Variants in TEX15 observed in about 807,000 individuals in gnomAD.
TEX15 encodes testis expressed 15, meiosis and synapsis associated, also known as testis-expressed protein 15.
A neutral mutation model predicts 237.3 loss-of-function variants in TEX15; 171 were observed. The observed-to-expected ratio is 0.72, with a 90% CI of 0.64 to 0.82. The LOEUF is 0.82. TEX15 is among the 40% of genes least tolerant of loss of function. The pLI is 0.00. For synonymous variants in TEX15, 1,338 were observed against 1,269.8 expected (o/e 1.05, Z -1.14); for missense variants, 3,750 against 3,646.5 (o/e 1.03, Z -0.73).
At chr8:30,860,563 CTTTT>C (rs35815726) in intron 5 of TEX15, among the ~76,000 whole-genome samples, 3 of 127,042 alleles carry the variant, frequency 2.4e-5, no homozygotes, top group African/African-American at 2.9e-5. Context: ...AGAGAATCTA[CTTTT>C]TTTTTTTTTT....
At position 30,837,223 on chromosome 8, in the gene TEX15, G is replaced by A; in HGVS notation, c.9061C>T (p.Gln3021Ter). 6.2e-7 allele frequency: 1 copy of A among 1,614,140 alleles called. No individual in the cohort carries two copies. The highest frequency in any genetic ancestry group is 8.5e-7 in the Non-Finnish European group (1 of 1,179,998). Reference protein sequence around the residue: ...NAATYWNELPQSACNPTYNSS... With the variant: ...NAATYWNELP ...TTATATGTTGGGTTACATGCAGACT[G>A]TGGAAGTTCATTCCAATATGTGGCA... is the stretch of plus-strand genomic sequence containing the variant. The change falls in exon 10 of 11, where the codon CAG (glutamine) becomes TAG (stop). Residue 3021 changes from glutamine (Q) to a stop codon, truncating the protein, a stop_gained. Coordinates refer to ENST00000643185, the MANE Select transcript of TEX15 (RefSeq NM_001350162.2). LOFTEE classifies it high-confidence loss of function.
chr8:30,891,297 C>T (rs1307750398), intron 2 of TEX15, among the ~76,000 whole-genome samples: 1 of 152,128 alleles, frequency 6.6e-6, no homozygotes, highest in Non-Finnish European at 1.5e-5. Context: ...GCTAGGATTA[C>T]AGGCACATGC....
Position 30,846,471 on chromosome 8 carries a change from C to G in TEX15, c.3696G>C (p.Val1232=). ...AAGAAAGGGAGATTTCAGAGTTACT[C>G]ACTGGCCCTGATTCTTGCCTTATAT... ...VDNIRQESGP[V]SNSEISLSFD... Residue 1232 remains valine (V), a synonymous_variant, in exon 8 of 11, where the codon GTG becomes GTC. Transcript: ENST00000643185. The G allele has an allele frequency of 1.2e-6, 2 of 1,613,230 alleles. No homozygotes were observed. Among genetic ancestry groups the G allele is most frequent in the East Asian group, 2.2e-5 (1 of 44,862 alleles).
At position 30,842,204 on chromosome 8, in the gene TEX15, C is replaced by T. The variant is rs775254754; in HGVS notation, c.7963G>A (p.Glu2655Lys). ...TTTACAATATGAATATTCATTTTTT[C>T]TTTTCTCTTCAGCTGTAAAATCTTC... ...RRKILQLKRKEKMNIHIVKPG... is the reference protein window; with the variant it reads ...RRKILQLKRKKKMNIHIVKPG... The change falls in exon 8 of 11, where the codon GAA becomes AAA. Residue 2655 changes from glutamate to lysine, a missense_variant. Glu to Lys is a moderately conservative substitution (Grantham distance 56). Coordinates refer to ENST00000643185, the MANE Select transcript of TEX15 (RefSeq NM_001350162.2). The T allele has an allele frequency of 3.9e-5, 62 of 1,609,746 alleles. 1 individual carries two copies. The Middle Eastern group carries it at 5.0e-4, about 13-fold the overall frequency.
At chr8:30,906,121 A>G (rs1193976011) in intron 1 of TEX15, among the ~76,000 whole-genome samples, 1 of 152,244 alleles carries the variant, frequency 6.6e-6, no homozygotes, top group African/African-American at 2.4e-5. Context: ...TTTATGGTAA[A>G]GCGCTATATA....
At chr8:30,906,312 G>A (rs1809102332) in intron 1 of TEX15, among the ~76,000 whole-genome samples, 1 of 152,042 alleles carries the variant, frequency 6.6e-6, no homozygotes, top group African/African-American at 2.4e-5. Context: ...GCAGCTGGGC[G>A]CAGTGGCTCA....
intron 2 of TEX15, among the ~76,000 whole-genome samples, chr8:30,896,432 A>G (rs1808907713): frequency 6.6e-6 from 1 of 152,134 alleles, no homozygotes; most frequent in Non-Finnish European, 1.5e-5. Context: ...AAGATGAACC[A>G]TCTATTCAGT....
intron 10 of TEX15, among the ~76,000 whole-genome samples, chr8:30,834,126 A>C (rs1027561267): frequency 1.3e-5 from 2 of 152,160 alleles, no homozygotes; most frequent in Non-Finnish European, 2.9e-5. Flanking sequence ...CAAATTAATA[A>C]AAAAGGAAAA....
At chr8:30,873,910 T>A (rs1462218101) in intron 4 of TEX15, among the ~76,000 whole-genome samples, 1 of 152,152 alleles carries the variant, frequency 6.6e-6, no homozygotes, top group Non-Finnish European at 1.5e-5. Flanking sequence ...AACAGCCCTA[T>A]CACTGGGTAC....
chr8:30,841,932 A>G, intron 8 of TEX15, 72 bp downstream of exon 8: 1 of 1,073,962 alleles, frequency 9.3e-7, no homozygotes, highest in Admixed American at 2.6e-5. Flanking sequence ...TCTGCAAACT[A>G]CTTGTTTGCT....
intron 2 of TEX15, 46 bp from the exon 3 acceptor site, chr8:30,887,357 TA>T: frequency 6.9e-7 from 1 of 1,457,706 alleles, no homozygotes; most frequent in African/African-American, 1.4e-5. Context: ...AATAAATACA[TA>T]AAAGGCAATG....
intron 2 of TEX15, chr8:30,887,875 TCA>T (rs1808690270): frequency 7.2e-6 from 1 of 138,260 alleles, no homozygotes; most frequent in Non-Finnish European, 1.6e-5. Flanking sequence ...CATATATATT[TCA>T]CATATATATT....
intron 6 of TEX15, 32 bp from the exon 7 acceptor site, chr8:30,858,862 A>AT (rs1490828647): frequency 1.4e-5 from 20 of 1,458,158 alleles, no homozygotes; most frequent in Admixed American, 5.4e-5. Context: ...ATGCTGATTA[A>AT]TTTTGGCAAT....
At position 30,833,230 on chromosome 8, in the gene TEX15, T is replaced by C. The variant is rs1807219380; in HGVS notation, c.*56A>G. 1 of 1,219,772 alleles carries C rather than the reference T, an allele frequency of 8.2e-7. No individual in the cohort carries two copies. Among genetic ancestry groups the C allele is most frequent in the Non-Finnish European group, 1.2e-6 (1 of 866,666 alleles). 75.6% of individuals were successfully genotyped at this position (1,219,772 alleles called of 1,614,324 possible). On this transcript the variant is annotated 3_prime_UTR_variant, in exon 11 of 11. Coordinates refer to ENST00000643185, the MANE Select transcript of TEX15 (RefSeq NM_001350162.2). ...CGCTAAATGTTAAAAAATATATAAG[T>C]AAAAAATATTTGGAAAAACTTGTTA...
chr8:30,912,237 G>A (rs1809236813), intron 1 of TEX15, among the ~76,000 whole-genome samples: 1 of 152,168 alleles, frequency 6.6e-6, no homozygotes, highest in Admixed American at 6.5e-5. Flanking sequence ...AATGAGGCGC[G>A]CGGACTGCCA....
At chr8:30,872,700 C>T (rs780931285) in intron 4 of TEX15, among the ~76,000 whole-genome samples, 5 of 151,574 alleles carry the variant, frequency 3.3e-5, no homozygotes, top group East Asian at 1.9e-4. Flanking sequence ...TAGCTTTAGG[C>T]TTATGTGTGT....
chr8:30,875,231 C>T (rs1312486662), intron 3 of TEX15, 129 bp from the exon 4 acceptor site: 1 of 507,188 alleles, frequency 2.0e-6, no homozygotes, highest in East Asian at 3.6e-5. Context: ...ATAAGGCAAC[C>T]ATTTGTATTT....
At chr8:30,897,665 T>C (rs1157934488) in intron 2 of TEX15, among the ~76,000 whole-genome samples, 1 of 152,182 alleles carries the variant, frequency 6.6e-6, no homozygotes, top group Non-Finnish European at 1.5e-5. Context: ...AAAAAGCAAC[T>C]AATTCTCTTT....
At chr8:30,865,727 A>G (rs1388936239) in intron 5 of TEX15, among the ~76,000 whole-genome samples, 4 of 152,194 alleles carry the variant, frequency 2.6e-5, no homozygotes, top group African/African-American at 4.8e-5. Flanking sequence ...TAGATGCTGA[A>G]AAAGCAATAA....
Sources: allele counts gnomAD v4.1 joint callset (sites outside exome capture counted in the v4.1 genomes callset), GRCh38; gene constraint gnomAD v4.1.1; transcripts MANE v1.5; gene names NCBI Gene and HGNC (gene_info 2026-07-23, HGNC 2026-07-21).